Variants in VSIG10L2 observed in about 807,000 individuals in gnomAD.
The protein encoded by VSIG10L2 is V-set and immunoglobulin domain-containing protein 10-like 2.
Under a neutral mutation model 67.1 loss-of-function variants are expected in VSIG10L2, and 56 were observed. That is an observed-to-expected ratio of 0.83 (90% CI 0.67 to 1.04). The LOEUF is 1.04. Ranked by LOEUF, VSIG10L2 falls within the 50% of genes least tolerant of loss-of-function variation. VSIG10L2 has a pLI of 0.00. For synonymous variants in VSIG10L2, 360 were observed against 396.6 expected (o/e 0.91, Z 1.10); for missense variants, 843 against 932.8 (o/e 0.90, Z 1.25).
intron 5 of VSIG10L2, among the ~76,000 whole-genome samples, 198 bp downstream of exon 5, chr11:125,951,356 TC>T (rs1945367414): frequency 1.3e-5 from 2 of 152,104 alleles, no homozygotes; most frequent in Non-Finnish European, 1.5e-5. Context: ...TGTGCTCTGT[TC>T]CCCTCACTTT....
intron 4 of VSIG10L2, 103 bp from the exon 5 acceptor site, chr11:125,950,807 T>C (rs1945357796): frequency 9.0e-7 from 1 of 1,112,706 alleles, no homozygotes; most frequent in South Asian, 4.7e-5. Context: ...CCTGCTCCCC[T>C]ACCCACTGAC....
rs745417197 is a variant in VSIG10L2 at position 125,946,544 on chromosome 11, C to CTTTTTT, written c.82+415_82+420dup. 1.4e-3 allele frequency among the ~76,000 whole-genome samples: 205 copies of CTTTTTT among 142,960 alleles called. 3 individuals are homozygous for CTTTTTT. Among genetic ancestry groups the CTTTTTT allele is most frequent in the Admixed American group, 2.2e-3 (31 of 14,248 alleles). 93.8% of individuals were successfully genotyped at this position (142,960 alleles called of 152,430 possible). ...GGTTTCTGGGTTACATATTTTTATT[C>CTTTTTT]TTTTTTTTTTTTTGAGATGGAGTCT... On this transcript the variant is annotated intron_variant, in intron 1 of 11. Transcript: ENST00000686984. The surrounding 1 kb of genome is among the most constrained non-coding windows in gnomAD (Gnocchi z 4.4).
In VSIG10L2 at chr11:125,953,636, G is replaced by C; in HGVS notation, c.1732G>C (p.Val578Leu). The C allele has an allele frequency of 4.9e-6, 6 of 1,232,276 alleles. No individual in the cohort carries two copies. The highest frequency in any genetic ancestry group is 5.1e-6 in the Non-Finnish European group (5 of 988,030). 76.3% of individuals were successfully genotyped at this position (1,232,276 alleles called of 1,614,324 possible). Reference sequence around the variant, plus strand: ...ACACCACAGGGGCACCTACCAATGCGTGGCCCGCAACGCCGTGGGCAATAG... The same window carrying C: ...ACACCACAGGGGCACCTACCAATGCCTGGCCCGCAACGCCGTGGGCAATAG... ...PAHHRGTYQC[V>L]ARNAVGNSSQ... Residue 578 changes from valine to leucine, a missense_variant, in exon 7 of 12, where the codon GTG becomes CTG. Physicochemically the swap from Val to Leu is conservative, Grantham distance 32. Transcript: ENST00000686984.
chr11:125,955,180 G>A lies in VSIG10L2; in HGVS notation c.2206+1G>A, dbSNP rs1473280335. 58 of 1,247,886 alleles carry A rather than the reference G, an allele frequency of 4.6e-5. No individual in the cohort carries two copies. The highest frequency in any genetic ancestry group is 5.3e-5 in the Non-Finnish European group (53 of 997,670). The allele number at this position is 1,247,886 out of a possible 1,614,324, so 77.3% of individuals were successfully genotyped here. A position where few individuals can be genotyped will look rare whatever the true frequency, so the allele number is the denominator to read the frequency against. ...GCCCGGCACCCAGAGACTTTCCCCCGTGAGTGGGAATCGGAAGGGACGGGC... is the reference window on the plus strand; with the variant it reads ...GCCCGGCACCCAGAGACTTTCCCCCATGAGTGGGAATCGGAAGGGACGGGC... On this transcript the variant is annotated splice_donor_variant, in intron 9 of 11. Coordinates refer to ENST00000686984, the MANE Select transcript of VSIG10L2 (RefSeq NM_001365077.2). LOFTEE classifies it high-confidence loss of function.
chr11:125,952,826 C>T (rs545985216), intron 6 of VSIG10L2, among the ~76,000 whole-genome samples: 1 of 152,360 alleles, frequency 6.6e-6, no homozygotes, highest in Non-Finnish European at 1.5e-5. Flanking sequence ...ACAGTTCTCA[C>T]AGAATGCTTT....
intron 9 of VSIG10L2, among the ~76,000 whole-genome samples, 140 bp from the exon 10 acceptor site, chr11:125,955,342 C>T (rs1019604923): frequency 6.6e-6 from 1 of 152,196 alleles, no homozygotes; most frequent in South Asian, 2.1e-4. Context: ...GGGCTCTAAC[C>T]CCCAACCCAG....
intron 5 of VSIG10L2, 168 bp from the exon 6 acceptor site, chr11:125,951,645 A>C: frequency 1.4e-6 from 1 of 719,298 alleles, no homozygotes; most frequent in South Asian, 2.0e-5. Context: ...GTCTGTTCCC[A>C]CCATTTCCCT....
At chr11:125,952,124 C>A in intron 6 of VSIG10L2, 51 bp downstream of exon 6, 3 of 1,491,732 alleles carry the variant, frequency 2.0e-6, no homozygotes, top group Non-Finnish European at 2.7e-6. Flanking sequence ...GAGGAGGAAC[C>A]CTTTGGAATC....
chr11:125,954,614 C>T (rs1464260511), intron 8 of VSIG10L2, among the ~76,000 whole-genome samples: 1 of 152,122 alleles, frequency 6.6e-6, no homozygotes, highest in Non-Finnish European at 1.5e-5. Context: ...GGTTAGGAAC[C>T]CTAATTCATG....
In VSIG10L2 at chr11:125,954,143, A is replaced by G. The variant is rs1246065651; in HGVS notation, c.1843A>G (p.Arg615Gly). ...ISRLTYGRHR[R>G]EVQLQWAILG... Reference sequence around the variant, plus strand: ...CCGCCTGACCTACGGGAGGCACCGGAGAGAGGTGCAGCTTCAATGGGCCAT... The same window carrying G: ...CCGCCTGACCTACGGGAGGCACCGGGGAGAGGTGCAGCTTCAATGGGCCAT... The change falls in exon 8 of 12, where the codon AGA becomes GGA. Residue 615 changes from arginine (R) to glycine (G), a missense_variant. This residue lies in a region of VSIG10L2 where 397 missense variants were observed against 384.4 expected (regional missense o/e 1.03). Coordinates refer to ENST00000686984, the MANE Select transcript of VSIG10L2 (RefSeq NM_001365077.2). The G allele has an allele frequency of 8.9e-6, 11 of 1,232,072 alleles. No individual in the cohort carries two copies. The African/African-American group carries it at 1.4e-4, about 16-fold the overall frequency. The allele number at this position is 1,232,072 out of a possible 1,614,324, so 76.3% of individuals were successfully genotyped here. A position where few individuals can be genotyped will look rare whatever the true frequency, so the allele number is the denominator to read the frequency against.
chr11:125,955,213 C>A lies in VSIG10L2; in HGVS notation c.2206+34C>A, dbSNP rs964097973. 6 of 1,259,588 alleles carry A rather than the reference C, an allele frequency of 4.8e-6. No individual in the cohort carries two copies. In the Admixed American group the frequency reaches 1.9e-4, roughly 40 times the overall value. 78.0% of individuals were successfully genotyped at this position (1,259,588 alleles called of 1,614,324 possible). A position where few individuals can be genotyped will look rare whatever the true frequency, so the allele number is the denominator to read the frequency against. On this transcript the variant is annotated intron_variant, in intron 9 of 11. Transcript: ENST00000686984. ...GAATCGGAAGGGACGGGCTGCTTGA[C>A]CCCACAGGGTGGCCAGGCCCTGACC...
intron 5 of VSIG10L2, 31 bp downstream of exon 5, chr11:125,951,189 G>C: frequency 1.6e-6 from 2 of 1,232,672 alleles, no homozygotes; most frequent in Non-Finnish European, 2.0e-6. Context: ...CCAGGGCTCT[G>C]ACATTCCAGG....
chr11:125,949,533 G>A (rs1945337808), intron 3 of VSIG10L2, among the ~76,000 whole-genome samples: 1 of 152,178 alleles, frequency 6.6e-6, no homozygotes. Context: ...CTCTTTTGGA[G>A]TCAGGGAGAG....
In VSIG10L2 at chr11:125,956,008, C is replaced by T; in HGVS notation, c.*94C>T. The T allele has an allele frequency of 1.5e-6, 1 of 654,820 alleles. No individual in the cohort carries two copies. The highest frequency in any genetic ancestry group is 1.7e-5 in the South Asian group (1 of 58,052). 40.6% of individuals were successfully genotyped at this position (654,820 alleles called of 1,614,324 possible). On this transcript the variant is annotated 3_prime_UTR_variant, in exon 12 of 12. Transcript: ENST00000686984. Reference sequence around the variant, plus strand: ...GACTTTGGTCATAAAACCAACGTAGCTAAGACACCAACTACCACTTTCACT... The same window carrying T: ...GACTTTGGTCATAAAACCAACGTAGTTAAGACACCAACTACCACTTTCACT...
chr11:125,948,803 C>T (rs985177127), intron 3 of VSIG10L2, among the ~76,000 whole-genome samples: 1 of 152,230 alleles, frequency 6.6e-6, no homozygotes, highest in East Asian at 1.9e-4. Flanking sequence ...CACCCTTTTC[C>T]AGGAAAACGT....
Position 125,954,346 on chromosome 11 carries a change from C to G in VSIG10L2, c.2046C>G (p.His682Gln), listed in dbSNP as rs1945421384. ...CCTTCCGCATCCTGGCTCTGAATCA[C>G]CACACTGCAGGACATCCCTCTGAGG... is the stretch of plus-strand genomic sequence containing the variant. ...LYAFRILALN[H>Q]HTAGHPSEVK... The change falls in exon 8 of 12, where the codon CAC (histidine) becomes CAG (glutamine). Residue 682 changes from histidine (H) to glutamine (Q), a missense_variant. Physicochemically the swap from His to Gln is conservative, Grantham distance 24. Around this residue, in one of 2 missense-constraint regions of VSIG10L2, gnomAD observed 397 missense variants for 384.4 expected, o/e 1.03. Coordinates refer to ENST00000686984, the MANE Select transcript of VSIG10L2 (RefSeq NM_001365077.2). 1 of 1,231,980 alleles carries G rather than the reference C, an allele frequency of 8.1e-7. No individual in the cohort carries two copies. The highest frequency in any genetic ancestry group is 1.6e-5 in the African/African-American group (1 of 64,366). 76.3% of individuals were successfully genotyped at this position (1,231,980 alleles called of 1,614,324 possible).
chr11:125,954,988 C>G, intron 8 of VSIG10L2, 69 bp from the exon 9 acceptor site: 2 of 1,229,336 alleles, frequency 1.6e-6, no homozygotes, highest in South Asian at 8.3e-5. Flanking sequence ...CTAGTGGTTC[C>G]CTACGAGCCA....
intron 11 of VSIG10L2, 26 bp from the exon 12 acceptor site, chr11:125,955,791 T>A: frequency 1.1e-6 from 1 of 889,332 alleles, no homozygotes; most frequent in Non-Finnish European, 1.8e-6. Flanking sequence ...ATCCCTCTGT[T>A]CTTTGCCCAC....
chr11:125,950,936 G>A lies in VSIG10L2; in HGVS notation c.1012G>A (p.Ala338Thr), dbSNP rs767242867. ...YYPPEGQPSCAVHPSPEAVTL... is the reference protein window; with the variant it reads ...YYPPEGQPSCTVHPSPEAVTL... ...TCCCCCTGAGGGACAGCCCTCCTGTGCAGTGCATCCCAGCCCTGAGGCTGT... is the reference window on the plus strand; with the variant it reads ...TCCCCCTGAGGGACAGCCCTCCTGTACAGTGCATCCCAGCCCTGAGGCTGT... The change falls in exon 5 of 12, where the codon GCA becomes ACA. Residue 338 changes from alanine to threonine, a missense_variant. Around this residue, in one of 2 missense-constraint regions of VSIG10L2, gnomAD observed 446 missense variants for 548.4 expected, o/e 0.81. Transcript: ENST00000686984. 10 of 1,232,558 alleles carry A rather than the reference G, an allele frequency of 8.1e-6. No individual in the cohort carries two copies. Among genetic ancestry groups the A allele is most frequent in the East Asian group, 3.2e-5 (1 of 31,710 alleles). 76.4% of individuals were successfully genotyped at this position (1,232,558 alleles called of 1,614,324 possible).
Sources: gnomAD v4.1 joint callset for allele counts (sites outside exome capture counted in the v4.1 genomes callset) on GRCh38, gnomAD v4.1.1 for gene constraint, gnomAD v4.1.1 regional missense constraint, Gnocchi (gnomAD v3.1) non-coding constraint, MANE v1.5 for transcripts, NCBI Gene and HGNC (gene_info 2026-07-23, HGNC 2026-07-21) for gene names.